GPC3: variants seen among roughly 807,000 people sequenced by gnomAD.
The protein encoded by GPC3 is glypican-3.
Under a neutral mutation model 34.4 loss-of-function variants are expected in GPC3, and 3 were observed. The ratio of observed to expected loss-of-function variants is 0.09; its 90% CI spans 0.04 to 0.23. The LOEUF is 0.23. Among genes scored for constraint, GPC3 ranks in the 10% least tolerant of loss-of-function variants. The probability of loss-of-function intolerance (pLI) is 1.00; values close to 1 mark genes in which losing one functional copy is unlikely to be tolerated. For missense variants in GPC3, 351 were observed against 445.6 expected, an observed-to-expected ratio of 0.79 and a Z score of 1.91; for synonymous variants, 177 against 174.0, an observed-to-expected ratio of 1.02 and a Z score of -0.13.
In GPC3 at chrX:133,924,564, C is replaced by T. The variant is rs185230226; in HGVS notation, c.337+28486G>A. ...ATCTGACTTGAAATCGCCCCCAACACAATTGGCAGAAAGCCATATATGAAG... is the reference window on the plus strand; with the variant it reads ...ATCTGACTTGAAATCGCCCCCAACATAATTGGCAGAAAGCCATATATGAAG... On this transcript the variant is annotated intron_variant, in intron 2 of 7. Coordinates refer to ENST00000370818, the MANE Select transcript of GPC3 (RefSeq NM_004484.4). 1.1e-3 allele frequency among the ~76,000 whole-genome samples: 126 copies of T among 111,780 alleles called. 1 individual carries two copies. Among genetic ancestry groups the T allele is most frequent in the African/African-American group, 3.8e-3 (117 of 30,778 alleles).
intron 2 of GPC3, among the ~76,000 whole-genome samples, chrX:133,800,647 T>TA (rs768835963): frequency 7.5e-4 from 84 of 112,037 alleles, no homozygotes; most frequent in Non-Finnish European, 1.4e-3. Flanking sequence ...TTGCAAGTAA[T>TA]ACGGCGGGCT....
intron 6 of GPC3, among the ~76,000 whole-genome samples, chrX:133,620,355 A>G (rs1304040370): frequency 9.0e-6 from 1 of 111,075 alleles, no homozygotes; most frequent in Non-Finnish European, 1.9e-5. Context: ...CCTGAGAACT[A>G]TGATGCCAGC....
intron 6 of GPC3, among the ~76,000 whole-genome samples, chrX:133,633,403 T>A (rs933124952): frequency 8.9e-6 from 1 of 112,032 alleles, no homozygotes; most frequent in African/African-American, 3.2e-5. Context: ...GCAAAGCCAT[T>A]TACTCAGGTA....
intron 1 of GPC3, among the ~76,000 whole-genome samples, chrX:133,958,710 A>G (rs2076428066): frequency 1.1e-5 from 1 of 94,226 alleles, no homozygotes; most frequent in East Asian, 3.4e-4. Flanking sequence ...ATCTCTACTG[A>G]AAAAAAAAAA....
At chrX:133,813,367 C>T (rs1293832862) in intron 2 of GPC3, among the ~76,000 whole-genome samples, 1 of 112,294 alleles carries the variant, frequency 8.9e-6, no homozygotes, top group Non-Finnish European at 1.9e-5. Context: ...ATCACCATTC[C>T]GATAACACTG....
chrX:133,768,247 A>C (rs1219267851), intron 2 of GPC3, among the ~76,000 whole-genome samples: 4 of 111,678 alleles, frequency 3.6e-5, no homozygotes, highest in Non-Finnish European at 7.5e-5. Context: ...TCGAGCGCCT[A>C]AAGTAAAGAA....
intron 2 of GPC3, among the ~76,000 whole-genome samples, chrX:133,920,388 A>G (rs1426470420): frequency 9.0e-6 from 1 of 111,446 alleles, no homozygotes; most frequent in Admixed American, 9.6e-5. Context: ...ATATTCCTCA[A>G]TTATTTTACT....
In GPC3 at chrX:133,754,131, G is replaced by A; in HGVS notation, c.383C>T (p.Ala128Val). 8.3e-7 allele frequency: 1 copy of A among 1,206,977 alleles called. No homozygotes were observed. The highest frequency in any genetic ancestry group is 1.7e-5 in the African/African-American group (1 of 57,206). The change falls in exon 3 of 8, where the codon GCC (alanine) becomes GTC (valine). Residue 128 changes from alanine to valine, a missense_variant. Transcript: ENST00000370818. Reference protein sequence around the residue: ...VVRHAKNYTNAMFKNNYPSLT... With the variant: ...VVRHAKNYTNVMFKNNYPSLT... Reference sequence around the variant, plus strand: ...GCTTGGGTAGTTGTTCTTGAACATGGCATTGGTGTAGTTCTTGGCATGGCG... The same window carrying A: ...GCTTGGGTAGTTGTTCTTGAACATGACATTGGTGTAGTTCTTGGCATGGCG...
At chrX:133,657,936 G>GAGAGAGAGAGAGAGAGAGAGA (rs59330472) in intron 6 of GPC3, among the ~76,000 whole-genome samples, 1 of 105,962 alleles carries the variant, frequency 9.4e-6, no homozygotes, top group African/African-American at 3.5e-5. Context: ...GAGAGAGAGA[G>GAGAGAGAGAGAGAGAGAGAGA]GAGAAGTATT....
At chrX:133,654,585 A>G (rs920546899) in intron 6 of GPC3, among the ~76,000 whole-genome samples, 4 of 109,915 alleles carry the variant, frequency 3.6e-5, no homozygotes, top group Non-Finnish European at 5.7e-5. Context: ...AGTGGTGGGT[A>G]CCTGTAATCC....
chrX:133,957,286 A>C (rs1227840496), intron 1 of GPC3, among the ~76,000 whole-genome samples: 2 of 112,344 alleles, frequency 1.8e-5, no homozygotes, highest in African/African-American at 6.5e-5. Flanking sequence ...GAAGGAGAGA[A>C]ATACATGCCA....
intron 7 of GPC3, among the ~76,000 whole-genome samples, chrX:133,584,930 C>CAAAAAAAAAAAAAAACAAAAAAAA (rs2069772176): frequency 1.5e-5 from 1 of 68,279 alleles, no homozygotes; most frequent in Non-Finnish European, 2.8e-5. Flanking sequence ...TATAAAAAGC[C>CAAAAAAAAAAAAAAACAAAAAAAA]AAAAAAAAAA....
chrX:133,645,235 CG>C (rs2070529343), intron 6 of GPC3, among the ~76,000 whole-genome samples: 1 of 111,668 alleles, frequency 9.0e-6, no homozygotes, highest in African/African-American at 3.3e-5. Context: ...CTTCTCGGAC[CG>C]GATTCAACTG....
chrX:133,823,430 G>A (rs1417584431), intron 2 of GPC3, among the ~76,000 whole-genome samples: 1 of 110,758 alleles, frequency 9.0e-6, no homozygotes, highest in East Asian at 2.8e-4. Flanking sequence ...TCATATAGTA[G>A]GAAAATGATA....
intron 4 of GPC3, among the ~76,000 whole-genome samples, 167 bp downstream of exon 4, chrX:133,699,728 A>G (rs1251986991): frequency 8.9e-6 from 1 of 112,430 alleles, no homozygotes; most frequent in Non-Finnish European, 1.9e-5. Flanking sequence ...CTTGGATATA[A>G]TACCATCTTT....
intron 5 of GPC3, 95 bp downstream of exon 5, chrX:133,692,274 C>A (rs2071071629): frequency 2.1e-6 from 2 of 940,452 alleles, no homozygotes; most frequent in South Asian, 4.0e-5. Flanking sequence ...TTTTCTGGTG[C>A]AATTAATGGA....
At chrX:133,837,284 C>T (rs185915147) in intron 2 of GPC3, among the ~76,000 whole-genome samples, 9 of 111,270 alleles carry the variant, frequency 8.1e-5, no homozygotes, top group African/African-American at 2.0e-4. Flanking sequence ...ATCTCTGATA[C>T]GAGTCTTGTG....
intron 2 of GPC3, among the ~76,000 whole-genome samples, chrX:133,890,023 CCTCCCAAA>C (rs2076079511): frequency 9.1e-6 from 1 of 110,097 alleles, no homozygotes; most frequent in Non-Finnish European, 1.9e-5. Flanking sequence ...CCTGCCTTGG[CCTCCCAAA>C]GTGCTGGGAT....
rs1043920571 is a variant in GPC3, at chrX:133,892,655, C to T, written c.337+60395G>A. 3.6e-5 allele frequency among the ~76,000 whole-genome samples: 4 copies of T among 109,960 alleles called. No individual in the cohort carries two copies. The Admixed American group carries it at 3.9e-4, about 11-fold the overall frequency. On this transcript the variant is annotated intron_variant, in intron 2 of 7. Transcript: ENST00000370818. ...AAAACAGTATTCCTATGGTGACACCCTCAAGTCACTCCACACCAAAAGGGA... is the reference window on the plus strand; with the variant it reads ...AAAACAGTATTCCTATGGTGACACCTTCAAGTCACTCCACACCAAAAGGGA...
Sources: allele counts gnomAD v4.1 joint callset (sites outside exome capture counted in the v4.1 genomes callset), GRCh38; gene constraint gnomAD v4.1.1; transcripts MANE v1.5; gene names NCBI Gene and HGNC (gene_info 2026-07-23, HGNC 2026-07-21).